Variants in FNBP1 observed in about 807,000 individuals in gnomAD.
FNBP1 encodes the protein formin-binding protein 1.
Under a neutral mutation model 90.6 loss-of-function variants are expected in FNBP1, and 26 were observed. That is an observed-to-expected ratio of 0.29 (90% confidence interval 0.21 to 0.40). The LOEUF (loss-of-function observed/expected upper bound fraction) is 0.40. Among genes scored for constraint, FNBP1 ranks in the 10% least tolerant of loss-of-function variants. The probability of loss-of-function intolerance (pLI) is 1.00; values close to 1 mark genes in which losing one functional copy is unlikely to be tolerated. For missense variants in FNBP1, 635 were observed against 768.0 expected (o/e 0.83, Z 2.05); for synonymous variants, 260 against 265.2 (o/e 0.98, Z 0.19).
At position 129,969,889 on chromosome 9, in the gene FNBP1, C is replaced by CTT. The variant is rs35399090; in HGVS notation, c.345+8574_345+8575dup. Among the ~76,000 whole-genome samples, 1,241 of 132,478 alleles carry CTT rather than the reference C, an allele frequency of 9.4e-3. 29 individuals carry two copies. The highest frequency in any genetic ancestry group is 0.011 in the Non-Finnish European group (723 of 64,110). 86.9% of individuals were successfully genotyped at this position (132,478 alleles called of 152,430 possible). A position where few individuals can be genotyped will look rare whatever the true frequency, so the allele number is the denominator to read the frequency against. On this transcript the variant is annotated intron_variant, in intron 4 of 16. Transcript: ENST00000446176. The stretch of plus-strand genomic sequence containing the variant: ...GCTATAGTAGGATTAATATTCCTAA[C>CTT]TTTTTTTTTTTTTTTTTGAGGTGGA...
chr9:130,033,649 C>T (rs188584604), intron 1 of FNBP1, among the ~76,000 whole-genome samples: 1 of 150,202 alleles, frequency 6.7e-6, no homozygotes, highest in East Asian at 2.0e-4. Flanking sequence ...CCAGCCTGGG[C>T]AACACAGGAA....
At chr9:129,977,517 G>A (rs111629020) in intron 4 of FNBP1, among the ~76,000 whole-genome samples, 3,644 of 141,242 alleles carry the variant, frequency 0.026, 64 homozygotes, top group Non-Finnish European at 0.038. Context: ...TTGAGGTGGA[G>A]TTTTGCTCTT....
intron 4 of FNBP1, among the ~76,000 whole-genome samples, chr9:129,973,796 C>T (rs2049870738): frequency 6.7e-6 from 1 of 149,468 alleles, no homozygotes; most frequent in South Asian, 2.1e-4. Flanking sequence ...AGCCACCGCG[C>T]CTGGCCTCTT....
At chr9:129,926,298 T>C (rs1290796317) in intron 8 of FNBP1, among the ~76,000 whole-genome samples, 1 of 152,186 alleles carries the variant, frequency 6.6e-6, no homozygotes, top group Admixed American at 6.5e-5. Context: ...TGTTGAATAT[T>C]TGTGTCTTCA....
the FNBP1 span, chr9:130,053,407 T>C: frequency 6.4e-6 from 1 of 155,860 alleles, no homozygotes; most frequent in South Asian, 1.7e-4. Flanking sequence ...AATTGCCTCA[T>C]AAGGGCTCAA....
At chr9:129,998,691 T>C (rs902663717) in intron 1 of FNBP1, among the ~76,000 whole-genome samples, 1 of 152,274 alleles carries the variant, frequency 6.6e-6, no homozygotes, top group East Asian at 1.9e-4. Context: ...CCATATCACT[T>C]TGCATTCAAA....
At chr9:129,970,753 G>C (rs2049325487) in intron 4 of FNBP1, among the ~76,000 whole-genome samples, 1 of 152,180 alleles carries the variant, frequency 6.6e-6, no homozygotes, top group East Asian at 1.9e-4. Flanking sequence ...GGACCTCCTT[G>C]TCCAGGGCTT....
rs55973122 is a variant in FNBP1, at chr9:129,907,580, G to GGTGT, written c.1295+1306_1295+1309dup. ...ATCCTTAGCTCTTGCTAGGAGTGAG[G>GGTGT]GTGTGTGTGTGTGTGTGTGTGTGTG... On this transcript the variant is annotated intron_variant, in intron 12 of 16. Coordinates refer to ENST00000446176, the MANE Select transcript of FNBP1 (RefSeq NM_015033.3). Among the ~76,000 whole-genome samples the GGTGT allele has an allele frequency of 1.6e-3, 229 of 147,202 alleles. 1 individual carries two copies. The highest frequency in any genetic ancestry group is 3.4e-3 in the Middle Eastern group (1 of 290).
intron 4 of FNBP1, among the ~76,000 whole-genome samples, chr9:129,964,877 G>C (rs57842445): frequency 6.8e-6 from 1 of 146,232 alleles, no homozygotes; most frequent in East Asian, 2.0e-4. Flanking sequence ...AAAAAAAGTA[G>C]AAAAAAACAT....
intron 7 of FNBP1, among the ~76,000 whole-genome samples, chr9:129,928,729 T>C (rs531257835): frequency 2.0e-5 from 3 of 152,140 alleles, no homozygotes; most frequent in South Asian, 4.1e-4. Flanking sequence ...GTGCAAACTA[T>C]AGAAATTTGC....
At chr9:129,972,800 G>A (rs1306440302) in intron 4 of FNBP1, among the ~76,000 whole-genome samples, 2 of 152,144 alleles carry the variant, frequency 1.3e-5, no homozygotes, top group Non-Finnish European at 2.9e-5. Context: ...CCAATGTGCT[G>A]GGATTATAGG....
chr9:130,043,001 CCG>C lies in FNBP1; in HGVS notation c.-28_-27del. ...GGTGCAGGGGACGCGAAGGGGCGCT[CCG>C]CGCGGCGGGCGCGGCTCTCTGGTCC... On this transcript the variant is annotated 5_prime_UTR_variant, in exon 1 of 17. Transcript: ENST00000446176. 1.6e-6 allele frequency: 2 copies of C among 1,225,110 alleles called. No individual in the cohort carries two copies. Among genetic ancestry groups the C allele is most frequent in the African/African-American group, 1.6e-5 (1 of 64,118 alleles). 75.9% of individuals were successfully genotyped at this position (1,225,110 alleles called of 1,614,324 possible).
intron 4 of FNBP1, among the ~76,000 whole-genome samples, chr9:129,969,495 C>A (rs1003470557): frequency 6.6e-6 from 1 of 152,256 alleles, no homozygotes; most frequent in Non-Finnish European, 1.5e-5. Context: ...ATAAATCAAA[C>A]AATACACAAT....
At chr9:129,932,287 A>T (rs537868867) in intron 6 of FNBP1, among the ~76,000 whole-genome samples, 1 of 152,154 alleles carries the variant, frequency 6.6e-6, no homozygotes, top group Non-Finnish European at 1.5e-5. Flanking sequence ...AGAAAGAAAA[A>T]GGAAGGAAGA....
chr9:129,958,809 C>G lies in FNBP1; in HGVS notation c.346-256G>C, dbSNP rs1279156876. ...AGCCTGGGCAACACAGTGAGACCCC[C>G]CACTCTACAAAAAAATAGAAAAATT... On this transcript the variant is annotated intron_variant, in intron 4 of 16. Coordinates refer to ENST00000446176, the MANE Select transcript of FNBP1 (RefSeq NM_015033.3). 2.7e-5 allele frequency among the ~76,000 whole-genome samples: 4 copies of G among 150,650 alleles called. No homozygotes were observed. In the East Asian group the frequency reaches 5.9e-4, roughly 22 times the overall value.
At chr9:129,937,459 G>A (rs2043653053) in intron 6 of FNBP1, among the ~76,000 whole-genome samples, 3 of 152,094 alleles carry the variant, frequency 2.0e-5, no homozygotes, top group Admixed American at 2.0e-4. Flanking sequence ...TTGGCCGGGC[G>A]CAGTGGTTCA....
chr9:129,916,101 C>T (rs572708899), intron 10 of FNBP1, 121 bp from the exon 11 acceptor site: 16 of 692,936 alleles, frequency 2.3e-5, no homozygotes, highest in Non-Finnish European at 4.0e-5. Flanking sequence ...ATTAAAATAA[C>T]ACACACGTCT....
At chr9:130,046,207 C>T (rs2060058917), upstream of FNBP1, among the ~76,000 whole-genome samples, 2 of 152,032 alleles carry the variant, frequency 1.3e-5, no homozygotes, top group Admixed American at 6.6e-5. Context: ...AGTATTAGTA[C>T]CTCAAGATGG....
intron 6 of FNBP1, among the ~76,000 whole-genome samples, chr9:129,938,304 A>G (rs2043801101): frequency 6.6e-6 from 1 of 152,248 alleles, no homozygotes; most frequent in African/African-American, 2.4e-5. Context: ...TAAATTTCCC[A>G]GCAAACTGTT....
Sources: gnomAD v4.1 joint callset for allele counts (sites outside exome capture counted in the v4.1 genomes callset) on GRCh38, gnomAD v4.1.1 for gene constraint, MANE v1.5 for transcripts, NCBI Gene and HGNC (gene_info 2026-07-23, HGNC 2026-07-21) for gene names.